The following IAPP variants were observed in gnomAD, a reference collection of about 807,000 sequenced individuals.
The protein encoded by IAPP is Islet amyloid polypeptide (diabetes-associated peptide; amylin).
A neutral mutation model predicts 2.9 loss-of-function variants in IAPP; 4 were observed. The observed-to-expected ratio is 1.39, with a 90% confidence interval of 0.69 to 3.19. The LOEUF is 3.19. IAPP is among the 30% of genes most tolerant of loss of function. The probability of loss-of-function intolerance (pLI) is 0.01; values close to 1 mark genes in which losing one functional copy is unlikely to be tolerated. For synonymous variants in IAPP, 40 were observed against 42.1 expected (o/e 0.95, Z 0.19); for missense variants, 114 against 105.3 (o/e 1.08, Z -0.36).
At chr12:21,375,823 C>A (rs1469060721) in intron 2 of IAPP, among the ~76,000 whole-genome samples, 1 of 152,146 alleles carries the variant, frequency 6.6e-6, no homozygotes, top group Non-Finnish European at 1.5e-5. Context: ...TCAAGAATTT[C>A]CATGTGTGTA....
intron 1 of IAPP, among the ~76,000 whole-genome samples, chr12:21,366,601 G>A (rs1026855633): frequency 6.6e-6 from 1 of 151,614 alleles, no homozygotes; most frequent in Non-Finnish European, 1.5e-5. Context: ...TTAACAAAAG[G>A]GATCTGAAGG....
chr12:21,366,060 A>G (rs1939350506), intron 1 of IAPP, among the ~76,000 whole-genome samples: 1 of 152,220 alleles, frequency 6.6e-6, no homozygotes, highest in African/African-American at 2.4e-5. Context: ...CATATACCCA[A>G]AGGAGTATAA....
intron 1 of IAPP, among the ~76,000 whole-genome samples, chr12:21,364,396 C>T (rs1329591777): frequency 1.3e-5 from 2 of 152,116 alleles, no homozygotes; most frequent in Non-Finnish European, 2.9e-5. Context: ...TGGGATGTAT[C>T]TCAAAATAAT....
chr12:21,362,425 G>A (rs1242795815), intron 1 of IAPP, among the ~76,000 whole-genome samples: 27 of 152,134 alleles, frequency 1.8e-4, no homozygotes, highest in Admixed American at 1.8e-3. Context: ...GGAACAACCG[G>A]TACGAGCCAC....
upstream of IAPP, among the ~76,000 whole-genome samples, chr12:21,371,889 C>G (rs1939821946): frequency 6.6e-6 from 1 of 152,074 alleles, no homozygotes; most frequent in South Asian, 2.1e-4. Context: ...GTAATCCCAG[C>G]TACTCTGTAG....
rs185103980 is a variant in IAPP, at chr12:21,366,526, C to A, written c.-15-6811C>A. Among the ~76,000 whole-genome samples, 530 of 151,956 alleles carry A rather than the reference C, an allele frequency of 3.5e-3. 2 individuals are homozygous for A. Among genetic ancestry groups the A allele is most frequent in the African/African-American group, 0.011 (443 of 41,434 alleles). On this transcript the variant is annotated intron_variant, in intron 1 of 2. Coordinates refer to the IAPP transcript ENST00000539393. Reference sequence around the variant, plus strand: ...AACCTGCACATTGTGCACATGTACCCTAGAACCTTAAGTAAAATAATAAAA... The same window carrying A: ...AACCTGCACATTGTGCACATGTACCATAGAACCTTAAGTAAAATAATAAAA...
intron 1 of IAPP, among the ~76,000 whole-genome samples, chr12:21,358,347 A>T (rs1313853631): frequency 6.6e-6 from 1 of 152,190 alleles, no homozygotes; most frequent in Non-Finnish European, 1.5e-5. Context: ...ATTGTTTGAT[A>T]CCAACCAGCA....
chr12:21,355,399 G>C (rs149770486), intron 1 of IAPP, among the ~76,000 whole-genome samples: 12 of 152,212 alleles, frequency 7.9e-5, no homozygotes, highest in African/African-American at 2.6e-4. Flanking sequence ...AAGAAATCTC[G>C]AAGTGTGAGG....
chr12:21,366,481 G>T (rs571347708), intron 1 of IAPP, among the ~76,000 whole-genome samples: 5 of 151,922 alleles, frequency 3.3e-5, no homozygotes, highest in Non-Finnish European at 7.4e-5. Context: ...CCAACATGGC[G>T]CACGTATTCC....
chr12:21,379,834 G>T lies in IAPP; in HGVS notation c.*1408G>T, dbSNP rs1940475158. The T allele has an allele frequency of 6.6e-6, 1 of 152,162 alleles. No individual in the cohort carries two copies. The highest frequency in any genetic ancestry group is 1.5e-5 in the Non-Finnish European group (1 of 68,024). The allele number at this position is 152,162 out of a possible 1,614,324, so 9.4% of individuals were successfully genotyped here. A position where few individuals can be genotyped will look rare whatever the true frequency, so the allele number is the denominator to read the frequency against. ...GTTAAAATTTCCCTTTATGAAGTGT[G>T]CCTTAGGTTACCAAATTGTAGAGGC... is the stretch of plus-strand genomic sequence containing the variant. On this transcript the variant is annotated 3_prime_UTR_variant, in exon 3 of 3. Transcript: ENST00000240652.
At chr12:21,370,826 C>T (rs982767190), upstream of IAPP, among the ~76,000 whole-genome samples, 2 of 152,074 alleles carry the variant, frequency 1.3e-5, no homozygotes, top group Admixed American at 6.6e-5. Flanking sequence ...TGTCACTGGC[C>T]CTGGTATGCT....
intron 1 of IAPP, among the ~76,000 whole-genome samples, chr12:21,362,955 A>G (rs1331279940): frequency 1.3e-5 from 2 of 152,190 alleles, no homozygotes; most frequent in Non-Finnish European, 2.9e-5. Flanking sequence ...GGGAGACATT[A>G]ACACCCCACT....
At chr12:21,368,199 C>G (rs1291390425), upstream of IAPP, among the ~76,000 whole-genome samples, 1 of 152,098 alleles carries the variant, frequency 6.6e-6, no homozygotes, top group Non-Finnish European at 1.5e-5. Context: ...GAGACATATT[C>G]TTACCAAAAT....
At chr12:21,370,109 C>T (rs954528237), upstream of IAPP, among the ~76,000 whole-genome samples, 1 of 152,084 alleles carries the variant, frequency 6.6e-6, no homozygotes, top group Admixed American at 6.5e-5. Context: ...AAACAAATAT[C>T]CTGGATCAGA....
upstream of IAPP, among the ~76,000 whole-genome samples, chr12:21,369,265 T>G (rs925157722): frequency 2.0e-5 from 3 of 152,216 alleles, no homozygotes; most frequent in Non-Finnish European, 4.4e-5. Flanking sequence ...ATTCATGTCA[T>G]TGTCAAAGCA....
intron 2 of IAPP, among the ~76,000 whole-genome samples, chr12:21,375,181 GTAATA>G (rs1349305689): frequency 6.6e-6 from 1 of 152,122 alleles, no homozygotes; most frequent in Non-Finnish European, 1.5e-5. Context: ...AGAGCAATAT[GTAATA>G]TAATATTACT....
At chr12:21,375,802 C>T (rs1940152370) in intron 2 of IAPP, among the ~76,000 whole-genome samples, 1 of 152,182 alleles carries the variant, frequency 6.6e-6, no homozygotes, top group African/African-American at 2.4e-5. Flanking sequence ...TCTGTTTAAA[C>T]TCTCTTAAAG....
chr12:21,364,075 C>A (rs538179589), intron 1 of IAPP, among the ~76,000 whole-genome samples: 4 of 152,272 alleles, frequency 2.6e-5, no homozygotes, highest in Middle Eastern at 3.4e-3. Context: ...GATACCAAAG[C>A]CTGGCAGAAA....
At chr12:21,367,929 A>G (rs142021881), upstream of IAPP, among the ~76,000 whole-genome samples, 7 of 152,284 alleles carry the variant, frequency 4.6e-5, no homozygotes, top group Middle Eastern at 3.4e-3. Context: ...TTAACAAGAG[A>G]TGTTCTCTTT....
Sources: gnomAD v4.1 joint callset for allele counts (sites outside exome capture counted in the v4.1 genomes callset) on GRCh38, gnomAD v4.1.1 for gene constraint, MANE v1.5 for transcripts, NCBI Gene and HGNC (gene_info 2026-07-23, HGNC 2026-07-21) for gene names.